CEP170B: variants seen among roughly 807,000 people sequenced by gnomAD.
CEP170B encodes centrosomal protein 170B, also known as centrosomal protein of 170 kDa protein B.
Under a neutral mutation model 120.6 loss-of-function variants are expected in CEP170B, and 55 were observed. That is an observed-to-expected ratio of 0.46 (90% CI 0.37 to 0.57). CEP170B has a LOEUF of 0.57. Ranked by LOEUF, CEP170B falls within the 20% of genes least tolerant of loss-of-function variation. The probability of loss-of-function intolerance (pLI) is 0.00; values close to 1 mark genes in which losing one functional copy is unlikely to be tolerated. For synonymous variants in CEP170B, 1,033 were observed against 954.5 expected (o/e 1.08, Z -1.52); for missense variants, 2,212 against 2,253.3 (o/e 0.98, Z 0.37).
intron 1 of CEP170B, among the ~76,000 whole-genome samples, chr14:104,866,988 C>T (rs1895237858): frequency 6.6e-6 from 1 of 152,224 alleles, no homozygotes; most frequent in African/African-American, 2.4e-5. Flanking sequence ...CACTCAGGAG[C>T]TCTGGGGCCG....
Position 104,893,528 on chromosome 14 carries a change from G to T in CEP170B, c.4044G>T (p.Val1348=), listed in dbSNP as rs1370488991. The T allele has an allele frequency of 6.2e-7, 1 of 1,603,022 alleles. No individual in the cohort carries two copies. Among genetic ancestry groups the T allele is most frequent in the Non-Finnish European group, 8.5e-7 (1 of 1,176,444 alleles). Residue 1348 remains valine (V), a synonymous_variant, in exon 15 of 19, where the codon GTG becomes GTT. Coordinates refer to ENST00000414716, the MANE Select transcript of CEP170B (RefSeq NM_001112726.3). ...ASTISAREEL[V]QRIPEASLNF... Reference sequence around the variant, plus strand: ...GCCGGCCCTCCCTCTTGCAGCTGGTGCAGCGCATCCCCGAGGCCAGCCTCA... The same window carrying T: ...GCCGGCCCTCCCTCTTGCAGCTGGTTCAGCGCATCCCCGAGGCCAGCCTCA...
upstream of CEP170B, among the ~76,000 whole-genome samples, chr14:104,865,124 G>A (rs1033051936): frequency 5.3e-5 from 8 of 150,498 alleles, no homozygotes; most frequent in African/African-American, 1.9e-4. The surrounding 1 kb of genome is among the most constrained non-coding windows in gnomAD (Gnocchi z 6.7). Flanking sequence ...GGGGCTACCG[G>A]GGCGGGCTCA....
rs1324646209 is a variant in CEP170B, at chr14:104,887,916, C to A, written c.3677C>A (p.Thr1226Asn). 2 of 1,550,082 alleles carry A rather than the reference C, an allele frequency of 1.3e-6. No individual in the cohort carries two copies. Among genetic ancestry groups the A allele is most frequent in the South Asian group, 2.4e-5 (2 of 84,718 alleles). ...TCCAGGAAGGCTGCCAACACAGCCACCACCACGGGTCCCCGCCAGCCCTTC... is the reference window on the plus strand; with the variant it reads ...TCCAGGAAGGCTGCCAACACAGCCAACACCACGGGTCCCCGCCAGCCCTTC... ...AVSRKAANTA[T>N]TTGPRQPFSR... The change falls in exon 12 of 19, where the codon ACC becomes AAC. Residue 1226 changes from threonine to asparagine, a missense_variant. Physicochemically the swap from Thr to Asn is moderately conservative, Grantham distance 65 (BLOSUM62 0). Coordinates refer to ENST00000414716, the MANE Select transcript of CEP170B (RefSeq NM_001112726.3).
In CEP170B at chr14:104,872,440, T is replaced by TGG. The variant is rs1288884757; in HGVS notation, c.106-3815_106-3814insGG. 2.2e-4 allele frequency among the ~76,000 whole-genome samples: 26 copies of TGG among 116,614 alleles called. 4 individuals are homozygous for TGG. Among genetic ancestry groups the TGG allele is most frequent in the African/African-American group, 1.1e-3 (25 of 22,462 alleles). The allele number at this position is 116,614 out of a possible 152,430, so 76.5% of individuals were successfully genotyped here. A position where few individuals can be genotyped will look rare whatever the true frequency, so the allele number is the denominator to read the frequency against. ...TGGGTGTGCCGTGCGTGTGTGCGTG[T>TGG]GTGTGCCATGTGTGTGCGTGTGGGT... On this transcript the variant is annotated intron_variant, in intron 2 of 18. Transcript: ENST00000414716.
In CEP170B at chr14:104,877,877, T is replaced by C; in HGVS notation, c.196-8T>C. Reference sequence around the variant, plus strand: ...CCCCCCCCCCCCCCGCCACCTGTTTTCCTGCAGACGTTTGTGAATGACATG... The same window carrying C: ...CCCCCCCCCCCCCCGCCACCTGTTTCCCTGCAGACGTTTGTGAATGACATG... On this transcript the variant is annotated splice_polypyrimidine_tract_variant and splice_region_variant and intron_variant, in intron 3 of 18. Coordinates refer to ENST00000414716, the MANE Select transcript of CEP170B (RefSeq NM_001112726.3). 1.2e-6 allele frequency: 1 copy of C among 810,512 alleles called. No homozygotes were observed. Among genetic ancestry groups the C allele is most frequent in the Admixed American group, 2.6e-5 (1 of 38,356 alleles). 50.2% of individuals were successfully genotyped at this position (810,512 alleles called of 1,614,324 possible).
intron 16 of CEP170B, 80 bp downstream of exon 16, chr14:104,893,929 C>T: frequency 7.4e-7 from 1 of 1,351,028 alleles, no homozygotes; most frequent in Non-Finnish European, 1.0e-6. Context: ...GGCTGAATCC[C>T]TCAAGGGCAG....
At chr14:104,865,161 C>T (rs1166106040), upstream of CEP170B, 1 of 135,156 alleles carries the variant, frequency 7.4e-6, no homozygotes, top group Non-Finnish European at 1.6e-5. This position sits in a 1 kb window ranked among gnomAD's most constrained non-coding sequence, Gnocchi z 6.7. Flanking sequence ...CCGCCCTAAC[C>T]TGGTTTCCGG....
intron 5 of CEP170B, among the ~76,000 whole-genome samples, chr14:104,879,894 C>T (rs1896055452): frequency 6.6e-6 from 1 of 152,136 alleles, no homozygotes; most frequent in African/African-American, 2.4e-5. Context: ...GGGCGCTTAG[C>T]CCGTTCCTCG....
chr14:104,879,929 C>T (rs1474255291), intron 5 of CEP170B, among the ~76,000 whole-genome samples: 1 of 152,106 alleles, frequency 6.6e-6, no homozygotes, highest in Non-Finnish European at 1.5e-5. Context: ...AGCCTGGGGT[C>T]CCCCAGCCTG....
chr14:104,868,309 TCCGGAAGCTGCCAGCTTCC>T lies in CEP170B; in HGVS notation c.-27-113_-27-95del. 1.4e-6 allele frequency: 1 copy of T among 721,338 alleles called. No individual in the cohort carries two copies. Among genetic ancestry groups the T allele is most frequent in the African/African-American group, 1.8e-5 (1 of 56,330 alleles). 44.7% of individuals were successfully genotyped at this position (721,338 alleles called of 1,614,324 possible). A position where few individuals can be genotyped will look rare whatever the true frequency, so the allele number is the denominator to read the frequency against. Reference sequence around the variant, plus strand: ...CCTGATGAGGCTGGAGCCCAGCTTCTCCGGAAGCTGCCAGCTTCCCTTAGAGGGTCAGGATCTGGGCTGG... The same window carrying T: ...CCTGATGAGGCTGGAGCCCAGCTTCTCTTAGAGGGTCAGGATCTGGGCTGG... On this transcript the variant is annotated intron_variant, in intron 1 of 18. Transcript: ENST00000414716. This position sits in a 1 kb window ranked among gnomAD's most constrained non-coding sequence, Gnocchi z 5.9.
chr14:104,864,652 C>A (rs1224546383), upstream of CEP170B, among the ~76,000 whole-genome samples: 1 of 152,110 alleles, frequency 6.6e-6, no homozygotes, highest in Non-Finnish European at 1.5e-5. The surrounding 1 kb of genome is among the most constrained non-coding windows in gnomAD (Gnocchi z 5.9). Context: ...GGCGTCGATG[C>A]CCACCACCAT....
At chr14:104,879,557 C>G (rs781365747) in intron 5 of CEP170B, among the ~76,000 whole-genome samples, 1 of 152,200 alleles carries the variant, frequency 6.6e-6, no homozygotes, top group Non-Finnish European at 1.5e-5. Flanking sequence ...CCGATCTCCT[C>G]CCGCACTGCC....
chr14:104,865,930 C>T lies in CEP170B; in HGVS notation c.-28+417C>T, dbSNP rs1299391647. 6.6e-6 allele frequency among the ~76,000 whole-genome samples: 1 copy of T among 152,194 alleles called. No individual in the cohort carries two copies. The highest frequency in any genetic ancestry group is 1.5e-5 in the Non-Finnish European group (1 of 68,036). On this transcript the variant is annotated intron_variant, in intron 1 of 18. Transcript: ENST00000414716. The surrounding 1 kb of genome is among the most constrained non-coding windows in gnomAD (Gnocchi z 6.7). Reference sequence around the variant, plus strand: ...CCTCCTCCCCTCTCTCCTCATTTCCCTTCGCCGCCGTCTCCCCGCTGTCCC... The same window carrying T: ...CCTCCTCCCCTCTCTCCTCATTTCCTTTCGCCGCCGTCTCCCCGCTGTCCC...
rs1896115942 is a variant in CEP170B, at chr14:104,880,877, A to G, written c.472+452A>G. 2.0e-5 allele frequency among the ~76,000 whole-genome samples: 3 copies of G among 146,366 alleles called. No individual in the cohort carries two copies. In the South Asian group the frequency reaches 6.6e-4, roughly 32 times the overall value. ...TACACACATCTACCTGTGCACACCC[A>G]CATCCCTCACCTCTTACCCCACACA... On this transcript the variant is annotated intron_variant, in intron 6 of 18. Coordinates refer to ENST00000414716, the MANE Select transcript of CEP170B (RefSeq NM_001112726.3).
rs1307354109 is a variant in CEP170B, at chr14:104,891,215, C to T, written c.3878+1457C>T. Among the ~76,000 whole-genome samples the T allele has an allele frequency of 6.6e-6, 1 of 152,110 alleles. No homozygotes were observed. Among genetic ancestry groups the T allele is most frequent in the Non-Finnish European group, 1.5e-5 (1 of 68,006 alleles). ...CTCACATGGTCATTCAGTAACAGGG[C>T]CCTCTCCAGGCCAGGCGCTGGGGAG... On this transcript the variant is annotated intron_variant, in intron 13 of 18. Coordinates refer to ENST00000414716, the MANE Select transcript of CEP170B (RefSeq NM_001112726.3). The surrounding 1 kb of genome is among the most constrained non-coding windows in gnomAD (Gnocchi z 4.3).
chr14:104,883,615 C>T (rs1188126814), intron 8 of CEP170B, 107 bp downstream of exon 8: 11 of 1,272,966 alleles, frequency 8.6e-6, no homozygotes, highest in Non-Finnish European at 1.1e-5. Context: ...GCTGGGTTGA[C>T]TTCCCATTTT....
chr14:104,886,065 G>A lies in CEP170B; in HGVS notation c.1970G>A (p.Gly657Glu), dbSNP rs1248347746. Residue 657 changes from glycine to glutamate, a missense_variant, in exon 11 of 19, where the codon GGG becomes GAG. Physicochemically the swap from Gly to Glu is moderately conservative, Grantham distance 98 (BLOSUM62 -2). Transcript: ENST00000414716. ...GGCCTCCCGGTGCCGGGCTCCCCTGGGGGTCAGAAGTGGGTGTCCCGCTGG... is the reference window on the plus strand; with the variant it reads ...GGCCTCCCGGTGCCGGGCTCCCCTGAGGGTCAGAAGTGGGTGTCCCGCTGG... ...HQGLPVPGSP[G>E]GQKWVSRWAS... is the part of the protein sequence containing the mutation. 2 of 1,544,852 alleles carry A rather than the reference G, an allele frequency of 1.3e-6. No individual in the cohort carries two copies. The highest frequency in any genetic ancestry group is 1.7e-6 in the Non-Finnish European group (2 of 1,144,166).
rs369931405 is a variant in CEP170B, at chr14:104,894,342, C to G, written c.4329C>G (p.Ala1443=). ...AGGACCTGGAAGCCAGGATCAACGC[C>G]GAGAACGAGGTGCCCATCCTGAAGA... ...AWEDLEARIN[A]ENEVPILKTS... The change falls in exon 17 of 19, where the codon GCC becomes GCG. Residue 1443 remains alanine (A), a synonymous_variant. Transcript: ENST00000414716. 1.2e-6 allele frequency: 2 copies of G among 1,613,642 alleles called. No individual in the cohort carries two copies. Among genetic ancestry groups the G allele is most frequent in the South Asian group, 2.2e-5 (2 of 91,092 alleles).
intron 11 of CEP170B, 36 bp from the exon 12 acceptor site, chr14:104,886,239 A>G: frequency 6.7e-7 from 1 of 1,483,636 alleles, no homozygotes; most frequent in South Asian, 1.3e-5. Flanking sequence ...CCTGCAGACC[A>G]GCGGCCCTCT....
Sources: gnomAD v4.1 joint callset for allele counts (sites outside exome capture counted in the v4.1 genomes callset) on GRCh38, gnomAD v4.1.1 for gene constraint, Gnocchi (gnomAD v3.1) non-coding constraint, MANE v1.5 for transcripts, NCBI Gene and HGNC (gene_info 2026-07-23, HGNC 2026-07-21) for gene names.